Variants in TRAPPC3L observed in about 807,000 individuals in gnomAD.
TRAPPC3L encodes trafficking protein particle complex subunit 3-like protein.
TRAPPC3L carries 23 observed loss-of-function variants against 23.7 expected under a neutral mutation model. The observed-to-expected ratio is 0.97, with a 90% CI of 0.70 to 1.37. The LOEUF (loss-of-function observed/expected upper bound fraction) is 1.37. TRAPPC3L is among the 40% of genes most tolerant of loss of function. TRAPPC3L has a pLI of 0.00. For missense variants in TRAPPC3L, 212 were observed against 216.8 expected (o/e 0.98, Z 0.14); for synonymous variants, 81 against 77.9 (o/e 1.04, Z -0.21).
rs1773727169 is a variant in TRAPPC3L at position 116,545,506 on chromosome 6, G to A, written c.9C>T (p.Arg3=). 1.1e-5 allele frequency: 17 copies of A among 1,547,550 alleles called. No homozygotes were observed. Among genetic ancestry groups the A allele is most frequent in the Non-Finnish European group, 1.4e-5 (16 of 1,144,736 alleles). The change falls in exon 1 of 5, where the codon CGC becomes CGT. Residue 3 remains arginine, a synonymous_variant. Coordinates refer to ENST00000368602, the MANE Select transcript of TRAPPC3L (RefSeq NM_001139444.3). MS[R]PAHRRPEYHK... ...GGTATTCTGGTCTTCGGTGTGCAGGGCGAGACATAGTGCTTGATAGATGAA... is the reference window on the plus strand; with the variant it reads ...GGTATTCTGGTCTTCGGTGTGCAGGACGAGACATAGTGCTTGATAGATGAA...
At chr6:116,545,171 G>A (rs1201370366) in intron 1 of TRAPPC3L, among the ~76,000 whole-genome samples, 1 of 151,010 alleles carries the variant, frequency 6.6e-6, no homozygotes, top group Non-Finnish European at 1.5e-5. Context: ...ATTTCCTGAA[G>A]TATGAAATAG....
chr6:116,524,809 A>G (rs373116012), intron 3 of TRAPPC3L: 16 of 152,312 alleles, frequency 1.1e-4, no homozygotes, highest in African/African-American at 3.8e-4. Context: ...TTTCTGTGCT[A>G]TATCATTTTC....
At chr6:116,542,833 C>T (rs1157286156) in intron 2 of TRAPPC3L, among the ~76,000 whole-genome samples, 6 of 152,040 alleles carry the variant, frequency 3.9e-5, no homozygotes, top group Admixed American at 3.9e-4. Context: ...TTCACAATTC[C>T]TATTTTCTCC....
intron 3 of TRAPPC3L, among the ~76,000 whole-genome samples, chr6:116,504,765 G>A (rs1339378388): frequency 2.0e-5 from 3 of 152,024 alleles, no homozygotes; most frequent in Admixed American, 6.6e-5. Flanking sequence ...AAAGACAAAA[G>A]CCACATGATT....
intron 3 of TRAPPC3L, chr6:116,518,559 CCTT>C (rs914832306): frequency 2.6e-5 from 4 of 152,106 alleles, no homozygotes; most frequent in African/African-American, 9.7e-5. Flanking sequence ...AAAGAGTTCT[CCTT>C]CTTAATCTTT....
At chr6:116,499,191 C>A (rs972239504) in intron 4 of TRAPPC3L, among the ~76,000 whole-genome samples, 3 of 152,192 alleles carry the variant, frequency 2.0e-5, no homozygotes, top group African/African-American at 7.2e-5. Flanking sequence ...ATTCTTGAAT[C>A]TTTTTCTCAA....
chr6:116,506,190 C>G (rs1195483236), intron 3 of TRAPPC3L, among the ~76,000 whole-genome samples: 1 of 152,104 alleles, frequency 6.6e-6, no homozygotes, highest in Non-Finnish European at 1.5e-5. Flanking sequence ...ACAACCCCAT[C>G]AAAAAGTGGG....
At chr6:116,501,893 T>C (rs1389326447) in intron 3 of TRAPPC3L, among the ~76,000 whole-genome samples, 1 of 151,970 alleles carries the variant, frequency 6.6e-6, no homozygotes, top group East Asian at 1.9e-4. Flanking sequence ...AGACCAAAGG[T>C]AGATAAAACC....
chr6:116,506,933 C>T (rs968274969), intron 3 of TRAPPC3L, among the ~76,000 whole-genome samples: 3 of 151,878 alleles, frequency 2.0e-5, no homozygotes, highest in Non-Finnish European at 4.4e-5. Context: ...GATTGGTGCA[C>T]CAAACCATCA....
chr6:116,513,636 G>A (rs1315361376), intron 3 of TRAPPC3L, among the ~76,000 whole-genome samples: 1 of 152,220 alleles, frequency 6.6e-6, no homozygotes, highest in Non-Finnish European at 1.5e-5. Flanking sequence ...AGATGCATAA[G>A]GAATGTGGGC....
chr6:116,506,057 G>A (rs1031860707), intron 3 of TRAPPC3L, among the ~76,000 whole-genome samples: 1 of 152,120 alleles, frequency 6.6e-6, no homozygotes, highest in Non-Finnish European at 1.5e-5. Context: ...CACAGCAAAA[G>A]CAACTATCAT....
At position 116,540,358 on chromosome 6, in the gene TRAPPC3L, G is replaced by C. The variant is rs1449783725; in HGVS notation, c.240+5C>G. On this transcript the variant is annotated splice_donor_5th_base_variant and intron_variant, in intron 3 of 4. Coordinates refer to ENST00000368602, the MANE Select transcript of TRAPPC3L (RefSeq NM_001139444.3). ...ACATATTGACAGAGATAAAAACATA[G>C]TTACCTGGGCAATTATGTCTATAAT... The C allele has an allele frequency of 6.5e-7, 1 of 1,549,630 alleles. No homozygotes were observed. Among genetic ancestry groups the C allele is most frequent in the Non-Finnish European group, 8.7e-7 (1 of 1,145,828 alleles).
intron 2 of TRAPPC3L, among the ~76,000 whole-genome samples, chr6:116,542,954 G>T (rs1381580919): frequency 6.6e-6 from 1 of 152,072 alleles, no homozygotes; most frequent in Middle Eastern, 3.4e-3. Flanking sequence ...TAGAACAAAA[G>T]ACTTCTGAAA....
intron 3 of TRAPPC3L, among the ~76,000 whole-genome samples, chr6:116,507,928 A>ACAC (rs1430161998): frequency 6.6e-6 from 1 of 152,196 alleles, no homozygotes; most frequent in Non-Finnish European, 1.5e-5. Flanking sequence ...AAGTCAAATG[A>ACAC]CACTGCCAAG....
chr6:116,524,238 T>C (rs1165129973), intron 3 of TRAPPC3L: 1 of 152,218 alleles, frequency 6.6e-6, no homozygotes, highest in Non-Finnish European at 1.5e-5. Context: ...CTATTGAAGC[T>C]GGATGGTAGG....
At chr6:116,532,522 T>A (rs1772805693) in intron 3 of TRAPPC3L, among the ~76,000 whole-genome samples, 1 of 152,226 alleles carries the variant, frequency 6.6e-6, no homozygotes, top group South Asian at 2.1e-4. Flanking sequence ...TGGAAAAACT[T>A]ACAGATCTGA....
At chr6:116,533,913 C>T (rs1772907100) in intron 3 of TRAPPC3L, among the ~76,000 whole-genome samples, 1 of 152,152 alleles carries the variant, frequency 6.6e-6, no homozygotes, top group Non-Finnish European at 1.5e-5. Context: ...ATGTGAGTTT[C>T]CTGATTGCAA....
chr6:116,507,666 A>T (rs971839753), intron 3 of TRAPPC3L, among the ~76,000 whole-genome samples: 2 of 152,080 alleles, frequency 1.3e-5, no homozygotes, highest in Non-Finnish European at 2.9e-5. Context: ...TCTTGGTTGC[A>T]GGTATCCCCT....
intron 3 of TRAPPC3L, among the ~76,000 whole-genome samples, chr6:116,510,884 C>T (rs1198554318): frequency 2.0e-5 from 3 of 151,642 alleles, no homozygotes; most frequent in Non-Finnish European, 4.4e-5. Flanking sequence ...GAGCTAGAGG[C>T]GTTATTCCAA....
Sources: allele counts gnomAD v4.1 joint callset (sites outside exome capture counted in the v4.1 genomes callset), GRCh38; gene constraint gnomAD v4.1.1; transcripts MANE v1.5; gene names NCBI Gene and HGNC (gene_info 2026-07-23, HGNC 2026-07-21).